OR1J2: variants seen among roughly 807,000 people sequenced by gnomAD.
OR1J2 encodes the protein olfactory receptor family 1 subfamily J member 2.
For synonymous variants in OR1J2, 142 were observed against 99.7 expected (o/e 1.42, Z -2.52); for missense variants, 304 against 246.1 (o/e 1.24, Z -1.57).
the OR1J2 span, among the ~76,000 whole-genome samples, chr9:122,491,273 C>G: frequency 6.6e-6 from 1 of 151,986 alleles, no homozygotes; most frequent in African/African-American, 2.4e-5. Flanking sequence ...TATGAGGTAC[C>G]TATAGGTCAT....
chr9:122,463,462 G>T, the OR1J2 span, among the ~76,000 whole-genome samples: 2 of 152,106 alleles, frequency 1.3e-5, no homozygotes, highest in African/African-American at 4.8e-5. Flanking sequence ...ATCCATTGCT[G>T]GTGAGCTAGT....
the OR1J2 span, among the ~76,000 whole-genome samples, chr9:122,462,838 G>C: frequency 5.8e-4 from 89 of 152,254 alleles, no homozygotes; most frequent in Middle Eastern, 3.4e-3. Flanking sequence ...TGATGCTTTT[G>C]CCTCGCAGCT....
At chr9:122,556,110 G>A in the OR1J2 span, among the ~76,000 whole-genome samples, 1 of 152,142 alleles carries the variant, frequency 6.6e-6, no homozygotes, top group African/African-American at 2.4e-5. Flanking sequence ...AGAATGTTAT[G>A]TAGTTGGAAT....
chr9:122,552,797 T>TGTGTGTGTGTGTGTGTGTG, the OR1J2 span, among the ~76,000 whole-genome samples: 4 of 135,292 alleles, frequency 3.0e-5, no homozygotes, highest in Non-Finnish European at 4.8e-5. Context: ...TGTGTGTGTG[T>TGTGTGTGTGTGTGTGTGTG]TGGAGGAGGG....
the OR1J2 span, among the ~76,000 whole-genome samples, chr9:122,494,367 G>A: frequency 3.9e-5 from 6 of 152,082 alleles, no homozygotes; most frequent in Non-Finnish European, 8.8e-5. Context: ...GAGCTCCAGC[G>A]TTAGGTACAT....
chr9:122,476,648 T>C, the OR1J2 span, among the ~76,000 whole-genome samples: 1 of 152,232 alleles, frequency 6.6e-6, no homozygotes, highest in Non-Finnish European at 1.5e-5. Flanking sequence ...CATGGGATGT[T>C]TTAAAAGAAA....
the OR1J2 span, among the ~76,000 whole-genome samples, chr9:122,458,358 T>G: frequency 2.6e-5 from 4 of 152,360 alleles, no homozygotes; most frequent in East Asian, 3.9e-4. Flanking sequence ...TAAAGTCTAG[T>G]TTTCTGTATA....
Position 122,510,811 on chromosome 9 carries a change from G to C in OR1J2, c.10G>C (p.Glu4Gln). Reference protein sequence around the residue: MSPENQSSVSEFLL... With the variant: MSPQNQSSVSEFLL... ...CAGAGGGCAAAGGAGTATGAGCCCT[G>C]AGAACCAGAGCAGCGTGTCCGAGTT... The change falls in exon 1 of 1, where the codon GAG becomes CAG. Residue 4 changes from glutamate (E) to glutamine (Q), a missense_variant. Coordinates refer to ENST00000335302, the MANE Select transcript of OR1J2 (RefSeq NM_054107.1). 1 of 1,575,880 alleles carries C rather than the reference G, an allele frequency of 6.3e-7. No individual in the cohort carries two copies. Among genetic ancestry groups the C allele is most frequent in the Non-Finnish European group, 8.7e-7 (1 of 1,153,688 alleles).
chr9:122,534,065 G>A, the OR1J2 span, among the ~76,000 whole-genome samples: 4 of 152,284 alleles, frequency 2.6e-5, no homozygotes, highest in Non-Finnish European at 2.9e-5. Flanking sequence ...CCGGTATTCC[G>A]TGGCCTGGTG....
the OR1J2 span, among the ~76,000 whole-genome samples, chr9:122,517,062 A>G: frequency 5.9e-5 from 9 of 152,308 alleles, no homozygotes; most frequent in Non-Finnish European, 1.2e-4. Flanking sequence ...ATGTTTTCTT[A>G]TTAATATTCA....
At chr9:122,553,890 G>C in the OR1J2 span, 2 of 1,613,932 alleles carry the variant, frequency 1.2e-6, no homozygotes, top group Admixed American at 1.7e-5. Flanking sequence ...CATTTTCTGG[G>C]CTGTGTTTGT....
At chr9:122,575,051 C>T in the OR1J2 span, among the ~76,000 whole-genome samples, 3 of 152,024 alleles carry the variant, frequency 2.0e-5, no homozygotes, top group African/African-American at 7.2e-5. Flanking sequence ...ATAAATTAAA[C>T]TTGGTTGTGA....
the OR1J2 span, among the ~76,000 whole-genome samples, chr9:122,459,800 A>G: frequency 2.0e-5 from 3 of 152,250 alleles, no homozygotes; most frequent in Non-Finnish European, 4.4e-5. Flanking sequence ...TATTACCTGA[A>G]CAGTGTACAT....
chr9:122,505,950 A>G (rs1277502009), upstream of OR1J2, among the ~76,000 whole-genome samples: 1 of 152,132 alleles, frequency 6.6e-6, no homozygotes, highest in Non-Finnish European at 1.5e-5. Flanking sequence ...TTGTCAATGA[A>G]ACAATAAAAC....
At chr9:122,477,207 A>C in the OR1J2 span, 1 of 1,614,198 alleles carries the variant, frequency 6.2e-7, no homozygotes, top group South Asian at 1.1e-5. Context: ...GGGATCCACA[A>C]GTGGACAAGG....
the OR1J2 span, among the ~76,000 whole-genome samples, chr9:122,476,466 A>G: frequency 6.6e-6 from 1 of 152,202 alleles, no homozygotes; most frequent in South Asian, 2.1e-4. Flanking sequence ...CAATTCCATT[A>G]CCCAAGAAAA....
chr9:122,576,184 A>G, the OR1J2 span, among the ~76,000 whole-genome samples: 1 of 151,998 alleles, frequency 6.6e-6, no homozygotes, highest in Non-Finnish European at 1.5e-5. Flanking sequence ...ATATACATAT[A>G]TATGTATGTA....
chr9:122,554,143 G>T, the OR1J2 span: 3 of 1,610,816 alleles, frequency 1.9e-6, no homozygotes, highest in Non-Finnish European at 1.7e-6. Context: ...TTTGTCAGTG[G>T]AAAAACATTC....
the OR1J2 span, chr9:122,477,396 G>A: frequency 6.2e-7 from 1 of 1,614,110 alleles, no homozygotes; most frequent in South Asian, 1.1e-5. Context: ...GGTCACAGAA[G>A]TAGTGAGGGA....
Sources: gnomAD v4.1 joint callset for allele counts (sites outside exome capture counted in the v4.1 genomes callset) on GRCh38, gnomAD v4.1.1 for gene constraint, MANE v1.5 for transcripts, NCBI Gene and HGNC (gene_info 2026-07-23, HGNC 2026-07-21) for gene names.